The following ZNF804B variants were observed in gnomAD, a reference collection of about 807,000 sequenced individuals.
ZNF804B encodes the protein zinc finger 804B.
In ZNF804B, 80 loss-of-function variants were observed where a neutral mutation model predicts 101.4. The ratio of observed to expected loss-of-function variants is 0.79; its 90% CI spans 0.66 to 0.95. ZNF804B has a LOEUF of 0.95. Ranked by LOEUF, ZNF804B falls within the 40% of genes least tolerant of loss-of-function variation. ZNF804B has a pLI of 0.00. For missense variants in ZNF804B, 1,673 were observed against 1,561.9 expected, an observed-to-expected ratio of 1.07 and a Z score of -1.20; for synonymous variants, 622 against 558.8, an observed-to-expected ratio of 1.11 and a Z score of -1.59.
intron 1 of ZNF804B, among the ~76,000 whole-genome samples, chr7:89,059,247 G>A (rs989275195): frequency 1.3e-5 from 2 of 152,102 alleles, no homozygotes; most frequent in South Asian, 4.1e-4. Flanking sequence ...GCATTAGTCT[G>A]TTCTTTCATT....
At chr7:89,236,005 A>G (rs574600164) in intron 2 of ZNF804B, among the ~76,000 whole-genome samples, 1 of 152,134 alleles carries the variant, frequency 6.6e-6, no homozygotes, top group Non-Finnish European at 1.5e-5. Flanking sequence ...TCTGTTTTCA[A>G]AGTTGGCTCC....
At chr7:89,156,768 T>C (rs1223638176) in intron 1 of ZNF804B, among the ~76,000 whole-genome samples, 1 of 152,204 alleles carries the variant, frequency 6.6e-6, no homozygotes, top group African/African-American at 2.4e-5. Flanking sequence ...TATTTTGAAG[T>C]GTCTGTATGT....
chr7:89,336,287 A>G lies in ZNF804B; in HGVS notation c.3305A>G (p.Asp1102Gly). The G allele has an allele frequency of 6.2e-7, 1 of 1,613,882 alleles. No individual in the cohort carries two copies. Among genetic ancestry groups the G allele is most frequent in the Non-Finnish European group, 8.5e-7 (1 of 1,179,950 alleles). Residue 1102 changes from aspartate to glycine, a missense_variant, in exon 4 of 4, where the codon GAT (aspartate) becomes GGT (glycine). Physicochemically the swap from Asp to Gly is moderately conservative, Grantham distance 94 (BLOSUM62 -1). Transcript: ENST00000333190. ...GACCAAATAAATCTAGACTTACAGG[A>G]TGTAAGCATGCATATAAATCATGTA... ...QEDQINLDLQDVSMHINHVEG... is the reference protein window; with the variant it reads ...QEDQINLDLQGVSMHINHVEG...
chr7:89,335,307 G>A lies in ZNF804B; in HGVS notation c.2325G>A (p.Met775Ile). The change falls in exon 4 of 4, where the codon ATG (methionine) becomes ATA (isoleucine). Residue 775 changes from methionine to isoleucine, a missense_variant. By Grantham distance (10) the Met-to-Ile change is conservative. Coordinates refer to ENST00000333190, the MANE Select transcript of ZNF804B (RefSeq NM_181646.5). ...LSDDITKSSQ[M>I]QSEPQKERNC... ...ATGATATAACAAAGAGCAGCCAAAT[G>A]CAGTCTGAACCACAGAAAGAGAGGA... is the stretch of plus-strand genomic sequence containing the variant. 1 of 1,613,686 alleles carries A rather than the reference G, an allele frequency of 6.2e-7. No homozygotes were observed. The highest frequency in any genetic ancestry group is 8.5e-7 in the Non-Finnish European group (1 of 1,179,922).
chr7:89,302,462 A>G (rs566550537), intron 2 of ZNF804B, among the ~76,000 whole-genome samples: 8 of 151,940 alleles, frequency 5.3e-5, no homozygotes, highest in Non-Finnish European at 1.2e-4. Context: ...TAGAGCTTGG[A>G]ATGGCCATGT....
At chr7:88,857,866 G>C (rs1791594765) in intron 1 of ZNF804B, among the ~76,000 whole-genome samples, 1 of 108,920 alleles carries the variant, frequency 9.2e-6, no homozygotes, top group South Asian at 3.1e-4. Context: ...CTGCTGCCCA[G>C]ACTGGAGGGC....
chr7:88,957,954 A>G (rs997480274), intron 1 of ZNF804B, among the ~76,000 whole-genome samples: 1 of 151,170 alleles, frequency 6.6e-6, no homozygotes. Flanking sequence ...ACAGAGTACT[A>G]TTATATCTGT....
At chr7:88,906,992 T>G (rs1364272460) in intron 1 of ZNF804B, among the ~76,000 whole-genome samples, 2 of 152,086 alleles carry the variant, frequency 1.3e-5, no homozygotes, top group African/African-American at 4.8e-5. Context: ...ATAATGGCTT[T>G]CTTTGTCCTT....
chr7:88,776,560 GT>G (rs57733765), intron 1 of ZNF804B, among the ~76,000 whole-genome samples: 1,592 of 75,088 alleles, frequency 0.021, 6 homozygotes, highest in Middle Eastern at 0.06. Context: ...GTGGTGTTTT[GT>G]TTTTTTTTTT....
At chr7:88,920,561 G>C (rs950289521) in intron 1 of ZNF804B, among the ~76,000 whole-genome samples, 3 of 151,714 alleles carry the variant, frequency 2.0e-5, no homozygotes, top group African/African-American at 7.3e-5. Context: ...TCATTATCCC[G>C]TATTATATTA....
At chr7:88,819,090 A>C (rs765704492) in intron 1 of ZNF804B, among the ~76,000 whole-genome samples, 2 of 152,062 alleles carry the variant, frequency 1.3e-5, no homozygotes, top group Non-Finnish European at 2.9e-5. Flanking sequence ...CCATTGTGAT[A>C]CCCTGTGAAA....
chr7:88,802,913 A>G (rs1206430024), intron 1 of ZNF804B, among the ~76,000 whole-genome samples: 1 of 152,174 alleles, frequency 6.6e-6, no homozygotes, highest in Admixed American at 6.5e-5. Flanking sequence ...TGCACTAAAT[A>G]AAACTCCTAA....
intron 1 of ZNF804B, among the ~76,000 whole-genome samples, chr7:89,086,417 C>G (rs905893451): frequency 5.3e-5 from 8 of 151,930 alleles, no homozygotes; most frequent in African/African-American, 1.9e-4. Context: ...ATATCTCACT[C>G]CTCTATAGCT....
At chr7:89,303,270 A>G (rs1346517020) in intron 2 of ZNF804B, among the ~76,000 whole-genome samples, 5 of 151,928 alleles carry the variant, frequency 3.3e-5, no homozygotes, top group Non-Finnish European at 7.4e-5. Flanking sequence ...TAAATCTCAA[A>G]TGGATATTTC....
At chr7:89,177,498 C>T (rs570407817) in intron 1 of ZNF804B, among the ~76,000 whole-genome samples, 12 of 152,038 alleles carry the variant, frequency 7.9e-5, no homozygotes, top group Admixed American at 2.6e-4. Flanking sequence ...TCCATTTTTT[C>T]GAATGTTTTA....
chr7:89,016,329 C>T (rs529106876), intron 1 of ZNF804B, among the ~76,000 whole-genome samples: 71 of 152,024 alleles, frequency 4.7e-4, no homozygotes, highest in African/African-American at 1.5e-3. Context: ...TGTGCAGAAG[C>T]TCTTTAGTTT....
Position 89,078,561 on chromosome 7 carries a change from G to A in ZNF804B, c.109-139594G>A, listed in dbSNP as rs565715013. ...CCCTTCAATATTACCTAAATATTTTGCAATCAGATAAATAAAATGATAAAA... is the reference window on the plus strand; with the variant it reads ...CCCTTCAATATTACCTAAATATTTTACAATCAGATAAATAAAATGATAAAA... On this transcript the variant is annotated intron_variant, in intron 1 of 3. Coordinates refer to ENST00000333190, the MANE Select transcript of ZNF804B (RefSeq NM_181646.5). Among the ~76,000 whole-genome samples, 3 of 150,694 alleles carry A rather than the reference G, an allele frequency of 2.0e-5. No individual in the cohort carries two copies. The East Asian group carries it at 5.9e-4, about 29-fold the overall frequency.
chr7:89,129,610 G>A (rs1424760641), intron 1 of ZNF804B, among the ~76,000 whole-genome samples: 6 of 151,980 alleles, frequency 3.9e-5, no homozygotes, highest in Non-Finnish European at 5.9e-5. Context: ...TACATGCCAG[G>A]CACTCTGCTA....
intron 1 of ZNF804B, among the ~76,000 whole-genome samples, chr7:89,203,844 AAT>A (rs1788680142): frequency 6.6e-6 from 1 of 152,162 alleles, no homozygotes; most frequent in South Asian, 2.1e-4. Flanking sequence ...ATACTATTTT[AAT>A]ATGTCATCTT....
Sources: gnomAD v4.1 joint callset for allele counts (sites outside exome capture counted in the v4.1 genomes callset) on GRCh38, gnomAD v4.1.1 for gene constraint, MANE v1.5 for transcripts, NCBI Gene and HGNC (gene_info 2026-07-23, HGNC 2026-07-21) for gene names.